The following TPD52L1 variants were observed in gnomAD, a reference collection of about 807,000 sequenced individuals.
TPD52L1 encodes the protein TPD52 like 1.
In TPD52L1, 18 loss-of-function variants were observed where a neutral mutation model predicts 28.7. That is an observed-to-expected ratio of 0.63 (90% confidence interval 0.43 to 0.93). The LOEUF (loss-of-function observed/expected upper bound fraction) is 0.93. Ranked by LOEUF, TPD52L1 falls within the 40% of genes least tolerant of loss-of-function variation. The pLI is 0.00. For missense variants in TPD52L1, 203 were observed against 254.8 expected (o/e 0.80, Z 1.39); for synonymous variants, 75 against 88.8 (o/e 0.84, Z 0.88).
At chr6:125,163,354 G>A (rs1405702756) in intron 1 of TPD52L1, among the ~76,000 whole-genome samples, 1 of 152,102 alleles carries the variant, frequency 6.6e-6, no homozygotes, top group Non-Finnish European at 1.5e-5. Context: ...GGCCAAGACG[G>A]GAGGATCACT....
chr6:125,202,766 CTTTTT>C (rs55761249), intron 1 of TPD52L1, among the ~76,000 whole-genome samples: 3 of 116,448 alleles, frequency 2.6e-5, no homozygotes, highest in African/African-American at 3.6e-5. Flanking sequence ...GGAGGTTTAT[CTTTTT>C]TTTTTTTTTT....
At chr6:125,262,307 T>G (rs760034024) in intron 6 of TPD52L1, 1 of 153,044 alleles carries the variant, frequency 6.5e-6, no homozygotes, top group East Asian at 1.9e-4. Flanking sequence ...TAAGACTTGA[T>G]CCATCTTCAA....
chr6:125,158,499 AT>A (rs2114730157), intron 1 of TPD52L1, among the ~76,000 whole-genome samples: 1 of 152,348 alleles, frequency 6.6e-6, no homozygotes, highest in South Asian at 2.1e-4. Flanking sequence ...CAGGAAGTAC[AT>A]AAGGCAGTTT....
intron 1 of TPD52L1, among the ~76,000 whole-genome samples, chr6:125,195,161 C>CTG (rs1211708566): frequency 1.3e-5 from 2 of 152,208 alleles, no homozygotes; most frequent in Non-Finnish European, 2.9e-5. Flanking sequence ...TTTCTGTCAA[C>CTG]TGGCCTAAGC....
At chr6:125,250,519 C>A (rs1396914693) in intron 4 of TPD52L1, among the ~76,000 whole-genome samples, 1 of 152,120 alleles carries the variant, frequency 6.6e-6, no homozygotes, top group African/African-American at 2.4e-5. Flanking sequence ...CAAAAAATTG[C>A]AGTTTTTTAT....
intron 1 of TPD52L1, among the ~76,000 whole-genome samples, chr6:125,180,596 T>TCA (rs1460854484): frequency 5.7e-5 from 8 of 140,942 alleles, no homozygotes; most frequent in Admixed American, 4.3e-4. Context: ...ACACACACAC[T>TCA]CACACACACA....
chr6:125,256,974 T>C lies in TPD52L1; in HGVS notation c.426-124T>C, dbSNP rs1797644881. 4 of 727,704 alleles carry C rather than the reference T, an allele frequency of 5.5e-6. No individual in the cohort carries two copies. In the South Asian group the frequency reaches 6.0e-5, roughly 11 times the overall value. The allele number at this position is 727,704 out of a possible 1,614,324, so 45.1% of individuals were successfully genotyped here. A position where few individuals can be genotyped will look rare whatever the true frequency, so the allele number is the denominator to read the frequency against. ...CATTTTAAAACGTGGTTGGTGCAGG[T>C]GGCAAGCTGACAGGTAGCTCTGTGG... On this transcript the variant is annotated intron_variant, in intron 5 of 6. Transcript: ENST00000534000.
chr6:125,246,013 C>G (rs1188922686), intron 3 of TPD52L1, among the ~76,000 whole-genome samples: 1 of 152,194 alleles, frequency 6.6e-6, no homozygotes, highest in South Asian at 2.1e-4. Flanking sequence ...CTTCTTTCAC[C>G]CCATGACCCC....
rs1562411439 is a variant in TPD52L1, at chr6:125,261,002, GAAAGAAAGAAAGAAAGA to G, written c.487-1824_487-1808del. On this transcript the variant is annotated intron_variant, in intron 6 of 6. Transcript: ENST00000534000. The stretch of plus-strand genomic sequence containing the variant: ...AAAAGAAAAGAAAGAAAGAAAGAAA[GAAAGAAAGAAAGAAAGA>G]AAAGAAAAGAAAGAAAGAAAGAAAG... 131 of 43,310 alleles carry G rather than the reference GAAAGAAAGAAAGAAAGA, an allele frequency of 3.0e-3. 9 individuals are homozygous for G. Among genetic ancestry groups the G allele is most frequent in the African/African-American group, 0.018 (118 of 6,466 alleles). The allele number at this position is 43,310 out of a possible 1,614,324, so 2.7% of individuals were successfully genotyped here.
chr6:125,260,292 C>T (rs1356321458), intron 6 of TPD52L1: 1 of 152,156 alleles, frequency 6.6e-6, no homozygotes, highest in Non-Finnish European at 1.5e-5. Flanking sequence ...CTTCCCCTGA[C>T]CTGTTCCCAG....
intron 6 of TPD52L1, 61 bp downstream of exon 6, chr6:125,257,219 C>T (rs560865256): frequency 2.0e-6 from 3 of 1,468,800 alleles, no homozygotes; most frequent in Admixed American, 3.6e-5. Flanking sequence ...TTAGCCATTG[C>T]TGCGGTTAGT....
chr6:125,167,425 T>C (rs1424697287), intron 1 of TPD52L1, among the ~76,000 whole-genome samples: 1 of 152,180 alleles, frequency 6.6e-6, no homozygotes, highest in Non-Finnish European at 1.5e-5. Flanking sequence ...GTATCTGGTG[T>C]GGCTTCATTC....
At chr6:125,256,076 C>G (rs1797578156) in intron 5 of TPD52L1, among the ~76,000 whole-genome samples, 1 of 152,118 alleles carries the variant, frequency 6.6e-6, no homozygotes, top group Admixed American at 6.5e-5. Flanking sequence ...GGGCCAGGCA[C>G]GGTGGCTCAC....
chr6:125,202,260 C>G (rs1295111901), intron 1 of TPD52L1, among the ~76,000 whole-genome samples: 1 of 152,102 alleles, frequency 6.6e-6, no homozygotes, highest in Non-Finnish European at 1.5e-5. Context: ...TTTTGTCCTG[C>G]TTTGTGTTCA....
At chr6:125,207,806 G>T (rs1258849736) in intron 1 of TPD52L1, among the ~76,000 whole-genome samples, 1 of 152,280 alleles carries the variant, frequency 6.6e-6, no homozygotes, top group East Asian at 1.9e-4. Flanking sequence ...TCTGGAATCT[G>T]CCAGAATCCA....
intron 2 of TPD52L1, among the ~76,000 whole-genome samples, chr6:125,223,696 G>A (rs1795404292): frequency 8.9e-6 from 1 of 112,826 alleles, no homozygotes; most frequent in Non-Finnish European, 1.7e-5. Context: ...GCAACAGAGT[G>A]AGATTCCATC....
chr6:125,181,533 C>G (rs1307410541), intron 1 of TPD52L1, among the ~76,000 whole-genome samples: 2 of 152,146 alleles, frequency 1.3e-5, no homozygotes, highest in Non-Finnish European at 2.9e-5. Flanking sequence ...AAACTATGAA[C>G]AGATAAAGAA....
intron 1 of TPD52L1, among the ~76,000 whole-genome samples, chr6:125,206,007 A>C (rs540318888): frequency 6.6e-6 from 1 of 152,352 alleles, no homozygotes; most frequent in African/African-American, 2.4e-5. Context: ...TAACAACAAC[A>C]AAAAAGGAAT....
intron 3 of TPD52L1, among the ~76,000 whole-genome samples, chr6:125,234,978 C>CA (rs1364804862): frequency 1.3e-5 from 2 of 151,738 alleles, no homozygotes; most frequent in Admixed American, 6.6e-5. Context: ...CCTGTAGTCC[C>CA]AGCCATTTAG....
Sources: allele counts gnomAD v4.1 joint callset (sites outside exome capture counted in the v4.1 genomes callset), GRCh38; gene constraint gnomAD v4.1.1; transcripts MANE v1.5; gene names NCBI Gene and HGNC (gene_info 2026-07-23, HGNC 2026-07-21).